The following LARP1B variants were observed in gnomAD, a reference collection of about 807,000 sequenced individuals.
LARP1B encodes la-related protein 1B.
A neutral mutation model predicts 114.2 loss-of-function variants in LARP1B; 76 were observed. The ratio of observed to expected loss-of-function variants is 0.67; its 90% CI spans 0.55 to 0.81. The LOEUF (loss-of-function observed/expected upper bound fraction) is 0.81. LARP1B is among the 30% of genes least tolerant of loss of function. The pLI, the probability that LARP1B is intolerant of heterozygous loss-of-function variation, is 0.00. For missense variants in LARP1B, 1,014 were observed against 1,075.8 expected (o/e 0.94, Z 0.80); for synonymous variants, 345 against 348.0 (o/e 0.99, Z 0.10).
chr4:128,201,146 A>G (rs1029601184), intron 17 of LARP1B, among the ~76,000 whole-genome samples: 1 of 152,194 alleles, frequency 6.6e-6, no homozygotes, highest in Non-Finnish European at 1.5e-5. Flanking sequence ...CTGAATGAGT[A>G]GAGCTTCCAA....
At chr4:128,187,717 G>A (rs1750828537) in intron 15 of LARP1B, among the ~76,000 whole-genome samples, 1 of 152,210 alleles carries the variant, frequency 6.6e-6, no homozygotes, top group Admixed American at 6.5e-5. Flanking sequence ...GAATTATATG[G>A]TTTGGATCTA....
chr4:128,103,753 G>C (rs1335342571), intron 8 of LARP1B, among the ~76,000 whole-genome samples: 2 of 151,896 alleles, frequency 1.3e-5, no homozygotes, highest in Non-Finnish European at 2.9e-5. Flanking sequence ...GTAGAGACGG[G>C]TTTTTGCCAT....
Position 128,114,706 on chromosome 4 carries a change from TAAAA to T in LARP1B, c.1129_1132del (p.Lys377AspfsTer7), listed in dbSNP as rs1433640395. On this transcript the variant is annotated frameshift_variant, in exon 10 of 20. Transcript: ENST00000326639. LOFTEE classifies it high-confidence loss of function. ...TGGACTCAGAACCTTGGATAGAAGT[TAAAA>T]AAAGACATCAGCCAGCCCCAGTGAA... The T allele has an allele frequency of 6.2e-7, 1 of 1,613,900 alleles. No individual in the cohort carries two copies. Among genetic ancestry groups the T allele is most frequent in the South Asian group, 1.1e-5 (1 of 91,078 alleles).
chr4:128,126,831 G>T (rs1424754058), intron 11 of LARP1B, among the ~76,000 whole-genome samples: 1 of 149,344 alleles, frequency 6.7e-6, no homozygotes, highest in African/African-American at 2.5e-5. Flanking sequence ...TTAAAAAAAG[G>T]TAAGCAAGAA....
chr4:128,162,069 C>CT, intron 11 of LARP1B, 125 bp from the exon 12 acceptor site: 1 of 778,700 alleles, frequency 1.3e-6, no homozygotes, highest in South Asian at 2.0e-5. Context: ...ATTAGAACGT[C>CT]TTTTTCACTC....
At chr4:128,122,891 A>G in intron 11 of LARP1B, 1 of 998,142 alleles carries the variant, frequency 1.0e-6, no homozygotes, top group Non-Finnish European at 1.2e-6. Flanking sequence ...ATGAATTATA[A>G]TGGTACAGAT....
chr4:128,208,518 A>G (rs1758200074), intron 19 of LARP1B, among the ~76,000 whole-genome samples: 1 of 152,200 alleles, frequency 6.6e-6, no homozygotes, highest in Admixed American at 6.5e-5. Flanking sequence ...ATTTTTCTAG[A>G]GTGGCCTAGC....
chr4:128,162,404 A>G, intron 12 of LARP1B, 87 bp downstream of exon 12: 1 of 1,209,680 alleles, frequency 8.3e-7, no homozygotes, highest in Non-Finnish European at 1.1e-6. Flanking sequence ...TTTTTTCTTT[A>G]TTTGTGGAAA....
chr4:128,087,892 G>C (rs1774287874), intron 5 of LARP1B, among the ~76,000 whole-genome samples: 1 of 151,758 alleles, frequency 6.6e-6, no homozygotes, highest in African/African-American at 2.4e-5. Context: ...CTTGTCTATA[G>C]AAAAATTGAC....
At chr4:128,129,151 C>T (rs986153322) in intron 11 of LARP1B, among the ~76,000 whole-genome samples, 4 of 121,092 alleles carry the variant, frequency 3.3e-5, no homozygotes, top group Admixed American at 9.3e-5. Flanking sequence ...GGCGACAGAG[C>T]GAGACTCTGT....
chr4:128,207,960 AG>A (rs1177433404), intron 19 of LARP1B, among the ~76,000 whole-genome samples: 1 of 152,252 alleles, frequency 6.6e-6, no homozygotes, highest in Non-Finnish European at 1.5e-5. Flanking sequence ...TGATTTCAAG[AG>A]GAAAAGAAAA....
chr4:128,114,656 G>A lies in LARP1B; in HGVS notation c.1075G>A (p.Gly359Ser), dbSNP rs758314077. ...AAGTATTCTTCAAGCAATGTCTAGA[G>A]GTTTGTCTACCAGTTTGCCTGACTT... ...ETSILQAMSR[G>S]LSTSLPDLDS... Residue 359 changes from glycine to serine, a missense_variant, in exon 10 of 20, where the codon GGT (glycine) becomes AGT (serine). Gly to Ser is a moderately conservative substitution (Grantham distance 56). Transcript: ENST00000326639. The A allele has an allele frequency of 9.3e-6, 15 of 1,613,850 alleles. No individual in the cohort carries two copies. Among genetic ancestry groups the A allele is most frequent in the African/African-American group, 1.3e-5 (1 of 74,904 alleles).
rs562520600 is a variant in LARP1B, at chr4:128,187,889, G to A, written c.2003+8377G>A. On this transcript the variant is annotated intron_variant, in intron 15 of 19. Transcript: ENST00000326639. The stretch of plus-strand genomic sequence containing the variant: ...TTGTGAGATCTGGTTGTTTAAAAGT[G>A]TGTGGCACCTCCACTGTCTCTCTTC... Among the ~76,000 whole-genome samples, 7 of 152,174 alleles carry A rather than the reference G, an allele frequency of 4.6e-5. 1 individual carries two copies. The South Asian group carries it at 1.5e-3, about 32-fold the overall frequency.
In LARP1B at chr4:128,103,173, T is replaced by C. The variant is rs1780866301; in HGVS notation, c.814-3966T>C. Among the ~76,000 whole-genome samples, 3 of 152,198 alleles carry C rather than the reference T, an allele frequency of 2.0e-5. No homozygotes were observed. The South Asian group carries it at 6.2e-4, about 31-fold the overall frequency. On this transcript the variant is annotated intron_variant, in intron 8 of 19. Coordinates refer to ENST00000326639, the MANE Select transcript of LARP1B (RefSeq NM_018078.4). ...GTTCAGGATTACCAAGGCTTGGTTT[T>C]ATAACTCGATGTTTCTTCTAGGTCT...
intron 15 of LARP1B, among the ~76,000 whole-genome samples, chr4:128,197,977 C>T (rs1319242025): frequency 6.7e-6 from 1 of 150,154 alleles, no homozygotes; most frequent in Non-Finnish European, 1.5e-5. Flanking sequence ...CTCCGCTGCC[C>T]GGGTTCAAGT....
At chr4:128,176,091 T>G (rs909463558) in intron 12 of LARP1B, among the ~76,000 whole-genome samples, 1 of 146,500 alleles carries the variant, frequency 6.8e-6, no homozygotes, top group African/African-American at 2.5e-5. Flanking sequence ...TCTCTCTCTC[T>G]CGATATATAT....
intron 8 of LARP1B, among the ~76,000 whole-genome samples, chr4:128,102,112 A>G (rs949885956): frequency 1.3e-5 from 2 of 152,274 alleles, no homozygotes; most frequent in Non-Finnish European, 2.9e-5. Flanking sequence ...GCAGAAACAC[A>G]TAAGCATAGC....
intron 11 of LARP1B, among the ~76,000 whole-genome samples, chr4:128,145,887 C>T (rs1730128981): frequency 6.6e-6 from 1 of 151,964 alleles, no homozygotes; most frequent in Admixed American, 6.6e-5. Flanking sequence ...CCGTCATAGC[C>T]AGAAGCAGAA....
intron 1 of LARP1B, among the ~76,000 whole-genome samples, chr4:128,073,585 T>TGTTTG (rs1561056685): frequency 7.4e-5 from 2 of 26,960 alleles, no homozygotes; most frequent in Non-Finnish European, 1.5e-4. Context: ...TTTTTTTTTT[T>TGTTTG]TTTTTTTTTT....
Sources: allele counts gnomAD v4.1 joint callset (sites outside exome capture counted in the v4.1 genomes callset), GRCh38; gene constraint gnomAD v4.1.1; transcripts MANE v1.5; gene names NCBI Gene and HGNC (gene_info 2026-07-23, HGNC 2026-07-21).